NRXN1: variants seen among roughly 807,000 people sequenced by gnomAD.
NRXN1 encodes neurexin-1.
Under a neutral mutation model 150.9 loss-of-function variants are expected in NRXN1, and 39 were observed. The ratio of observed to expected loss-of-function variants is 0.26; its 90% confidence interval spans 0.20 to 0.34. The LOEUF is 0.34. Among genes scored for constraint, NRXN1 ranks in the 10% least tolerant of loss-of-function variants. The pLI is 1.00. For synonymous variants in NRXN1, 924 were observed against 757.0 expected (o/e 1.22, Z -3.62); for missense variants, 1,815 against 1,949.9 (o/e 0.93, Z 1.30).
intron 5 of NRXN1, among the ~76,000 whole-genome samples, chr2:50,736,112 C>A (rs958500864): frequency 6.6e-6 from 1 of 152,076 alleles, no homozygotes; most frequent in Non-Finnish European, 1.5e-5. Context: ...ACATTTCAAC[C>A]CCCCTGCTTC....
At chr2:50,274,100 A>G (rs1453512859) in intron 17 of NRXN1, among the ~76,000 whole-genome samples, 1 of 152,184 alleles carries the variant, frequency 6.6e-6, no homozygotes, top group Non-Finnish European at 1.5e-5. Flanking sequence ...GACACTATTT[A>G]CAATAGCAAA....
chr2:50,134,983 TCCC>T (rs1320477840), intron 18 of NRXN1, among the ~76,000 whole-genome samples: 1 of 152,170 alleles, frequency 6.6e-6, no homozygotes, highest in East Asian at 1.9e-4. Flanking sequence ...TTTCTTGTTC[TCCC>T]CCAACAATTC....
At chr2:50,395,031 TC>T (rs1288917547) in intron 17 of NRXN1, among the ~76,000 whole-genome samples, 4 of 152,142 alleles carry the variant, frequency 2.6e-5, no homozygotes, top group South Asian at 4.1e-4. Flanking sequence ...TAATATAATC[TC>T]CTATTACTTT....
At chr2:50,264,212 A>T (rs903774562) in intron 17 of NRXN1, among the ~76,000 whole-genome samples, 1 of 152,124 alleles carries the variant, frequency 6.6e-6, no homozygotes, top group Admixed American at 6.6e-5. Context: ...CTTAAAGAAA[A>T]ACAGTGAAAC....
chr2:50,052,860 T>C (rs1030608392), intron 21 of NRXN1, among the ~76,000 whole-genome samples: 1 of 152,188 alleles, frequency 6.6e-6, no homozygotes, highest in African/African-American at 2.4e-5. Context: ...TATTAAAATA[T>C]CTCTTTTAAG....
chr2:50,516,165 C>A (rs533934544), intron 12 of NRXN1, among the ~76,000 whole-genome samples: 6 of 152,208 alleles, frequency 3.9e-5, no homozygotes, highest in African/African-American at 1.4e-4. Context: ...TTTCCTTTTT[C>A]TGCCTCTTAA....
chr2:50,466,670 T>C (rs966358716), intron 16 of NRXN1, among the ~76,000 whole-genome samples: 1 of 151,548 alleles, frequency 6.6e-6, no homozygotes, highest in Non-Finnish European at 1.5e-5. Context: ...AAGCCAAAAA[T>C]GAGAAAGCAG....
At chr2:50,474,337 T>A (rs887142002) in intron 15 of NRXN1, among the ~76,000 whole-genome samples, 3 of 151,742 alleles carry the variant, frequency 2.0e-5, no homozygotes, top group Non-Finnish European at 4.4e-5. Flanking sequence ...GGAGTTTACA[T>A]AAGAAAAGTA....
At chr2:50,163,135 T>C (rs1376535661) in intron 18 of NRXN1, among the ~76,000 whole-genome samples, 2 of 133,918 alleles carry the variant, frequency 1.5e-5, no homozygotes, top group African/African-American at 5.5e-5. Context: ...CAACTATATA[T>C]AACAGTTATA....
At position 50,808,192 on chromosome 2, in the gene NRXN1, G is replaced by A. The variant is rs1003948890; in HGVS notation, c.832+113677C>T. ...GTTAAAACTATTGTAAATAGTTTCC[G>A]GGGCAAGTATAGACTGAGTCCATCC... On this transcript the variant is annotated intron_variant, in intron 5 of 22. Transcript: ENST00000401669. 6.6e-5 allele frequency among the ~76,000 whole-genome samples: 10 copies of A among 152,032 alleles called. 1 individual carries two copies. The highest frequency in any genetic ancestry group is 1.4e-4 in the African/African-American group (6 of 41,386).
At chr2:50,824,853 A>G (rs1380738171) in intron 5 of NRXN1, among the ~76,000 whole-genome samples, 4 of 152,188 alleles carry the variant, frequency 2.6e-5, no homozygotes, top group Non-Finnish European at 5.9e-5. Context: ...ATGAATAACA[A>G]GAGGGAATAC....
At chr2:51,026,114 G>A (rs932513920) in intron 2 of NRXN1, among the ~76,000 whole-genome samples, 1 of 152,100 alleles carries the variant, frequency 6.6e-6, no homozygotes, top group Non-Finnish European at 1.5e-5. Flanking sequence ...ACTCTAATAA[G>A]ATTTACAAAG....
At chr2:50,736,039 A>C (rs993827345) in intron 5 of NRXN1, among the ~76,000 whole-genome samples, 4 of 152,174 alleles carry the variant, frequency 2.6e-5, no homozygotes, top group African/African-American at 9.7e-5. Flanking sequence ...TAAAATAAAA[A>C]CAAACTCTTT....
intron 17 of NRXN1, among the ~76,000 whole-genome samples, chr2:50,360,045 A>G (rs542896765): frequency 6.6e-6 from 1 of 152,216 alleles, no homozygotes; most frequent in Non-Finnish European, 1.5e-5. Flanking sequence ...TCCTTTACAG[A>G]CAAGCAAATG....
At chr2:50,946,201 C>T (rs1690360652) in intron 2 of NRXN1, among the ~76,000 whole-genome samples, 2 of 151,926 alleles carry the variant, frequency 1.3e-5, no homozygotes. Flanking sequence ...AGTCCTTCAC[C>T]AGTAAGTTTG....
At chr2:50,191,202 T>TG (rs1318804413) in intron 18 of NRXN1, among the ~76,000 whole-genome samples, 2 of 117,022 alleles carry the variant, frequency 1.7e-5, no homozygotes, top group Admixed American at 9.4e-5. Flanking sequence ...CTAATTGTTT[T>TG]TTGTTTTTTT....
At chr2:50,977,865 A>G (rs1696110354) in intron 2 of NRXN1, among the ~76,000 whole-genome samples, 1 of 151,880 alleles carries the variant, frequency 6.6e-6, no homozygotes, top group South Asian at 2.1e-4. Flanking sequence ...TAATCATTAG[A>G]AATAGGGCAT....
intron 2 of NRXN1, among the ~76,000 whole-genome samples, chr2:51,010,691 A>C (rs569928755): frequency 3.0e-4 from 46 of 152,180 alleles, no homozygotes; most frequent in African/African-American, 8.7e-4. Context: ...TGCCTCTCAA[A>C]AGAACTATAA....
chr2:50,610,342 G>C (rs1677833611), intron 8 of NRXN1, among the ~76,000 whole-genome samples: 2 of 151,590 alleles, frequency 1.3e-5, no homozygotes, highest in African/African-American at 4.8e-5. Context: ...TGTGATAGTG[G>C]AACTAATTCA....
Sources: gnomAD v4.1 joint callset for allele counts (sites outside exome capture counted in the v4.1 genomes callset) on GRCh38, gnomAD v4.1.1 for gene constraint, MANE v1.5 for transcripts, NCBI Gene and HGNC (gene_info 2026-07-23, HGNC 2026-07-21) for gene names.